Variants in DAB1 observed in about 807,000 individuals in gnomAD.
The protein encoded by DAB1 is disabled homolog 1.
A neutral mutation model predicts 64.6 loss-of-function variants in DAB1; 15 were observed. The observed-to-expected ratio is 0.23, with a 90% CI of 0.16 to 0.36. The LOEUF is 0.36. Among genes scored for constraint, DAB1 ranks in the 10% least tolerant of loss-of-function variants. DAB1 has a pLI of 1.00. For synonymous variants in DAB1, 235 were observed against 251.9 expected, an observed-to-expected ratio of 0.93 and a Z score of 0.64; for missense variants, 596 against 706.7, an observed-to-expected ratio of 0.84 and a Z score of 1.78.
chr1:57,286,451 G>A (rs548436018), intron 2 of DAB1, among the ~76,000 whole-genome samples: 1 of 152,308 alleles, frequency 6.6e-6, no homozygotes, highest in African/African-American at 2.4e-5. Flanking sequence ...GAAACTGTAT[G>A]AAGAGTATGA....
chr1:58,359,628 ATCAACACATGTTGAC>A (rs1292791481), intron 3 of DAB1, among the ~76,000 whole-genome samples: 1 of 152,224 alleles, frequency 6.6e-6, no homozygotes, highest in African/African-American at 2.4e-5. Context: ...TGCTTCAGTA[ATCAACACATGTTGAC>A]TCATGAAGAA....
Position 57,843,505 on chromosome 1 carries a change from T to C in DAB1, n.88-17050A>G, listed in dbSNP as rs138720034. 6.7e-3 allele frequency among the ~76,000 whole-genome samples: 1,022 copies of C among 152,310 alleles called. 20 individuals are homozygous for C. The highest frequency in any genetic ancestry group is 0.025 in the Admixed American group (390 of 15,300). ...AATAACATATCAAAAGCACCTGCTA[T>C]ATTATCTGGTCACAGAGTAGGGATT... On this transcript the variant is annotated intron_variant and non_coding_transcript_variant, in intron 1 of 1. Coordinates refer to the DAB1 transcript ENST00000477280.
At chr1:57,501,922 G>C (rs186242084) in intron 7 of DAB1, among the ~76,000 whole-genome samples, 1 of 152,230 alleles carries the variant, frequency 6.6e-6, no homozygotes, top group East Asian at 1.9e-4. Flanking sequence ...ACTTTTGTTA[G>C]TGTTTTTAGA....
At chr1:57,835,116 G>T (rs549363672) in intron 1 of DAB1, among the ~76,000 whole-genome samples, 4 of 152,292 alleles carry the variant, frequency 2.6e-5, no homozygotes, top group African/African-American at 9.6e-5. Flanking sequence ...TGTAGGGTGG[G>T]AATAATGGGC....
chr1:58,356,841 A>G (rs1217861690), intron 3 of DAB1, among the ~76,000 whole-genome samples: 1 of 152,028 alleles, frequency 6.6e-6, no homozygotes, highest in Non-Finnish European at 1.5e-5. Flanking sequence ...GGTGGGCAGC[A>G]TAGGAGAACT....
At chr1:58,219,025 C>CTCTCTCTCTG (rs376130413) in intron 4 of DAB1, among the ~76,000 whole-genome samples, 1,640 of 129,470 alleles carry the variant, frequency 0.013, 30 homozygotes, top group African/African-American at 0.035. Flanking sequence ...CTCTCTCTCT[C>CTCTCTCTCTG]TGTGTGTGTG....
chr1:57,372,299 A>G (rs1466571345), intron 1 of DAB1, among the ~76,000 whole-genome samples: 1 of 152,092 alleles, frequency 6.6e-6, no homozygotes, highest in Non-Finnish European at 1.5e-5. Context: ...CTGCCTTTGG[A>G]TTTCCACCTT....
chr1:57,291,642 T>C (rs1187602400), intron 1 of DAB1, among the ~76,000 whole-genome samples: 3 of 152,076 alleles, frequency 2.0e-5, no homozygotes, highest in African/African-American at 7.2e-5. Flanking sequence ...GGAGTTGACA[T>C]ACAAATGGGC....
At chr1:58,028,680 T>C (rs1035580885) in intron 5 of DAB1, among the ~76,000 whole-genome samples, 1 of 152,248 alleles carries the variant, frequency 6.6e-6, no homozygotes, top group South Asian at 2.1e-4. Context: ...ATTTTGTGTA[T>C]GTCTGTCGAT....
chr1:57,895,277 T>C (rs776271594), intron 5 of DAB1, among the ~76,000 whole-genome samples: 1 of 152,114 alleles, frequency 6.6e-6, no homozygotes, highest in African/African-American at 2.4e-5. Context: ...GTCAGACCTA[T>C]GGGGGTAAAC....
chr1:58,370,539 G>A lies in DAB1; in HGVS notation n.258-27136C>T, dbSNP rs111263268. ...TGGAAAAGTTGAAGGAGTTATTCAC[G>A]TTATCTGTTGTGGTTTTGCTTTTAT... On this transcript the variant is annotated intron_variant and non_coding_transcript_variant, in intron 3 of 20. Coordinates refer to the DAB1 transcript ENST00000485760. Among the ~76,000 whole-genome samples, 595 of 152,104 alleles carry A rather than the reference G, an allele frequency of 3.9e-3. 4 individuals are homozygous for A. Among genetic ancestry groups the A allele is most frequent in the African/African-American group, 0.014 (570 of 41,476 alleles).
chr1:57,381,055 G>T (rs1295228731), intron 1 of DAB1, among the ~76,000 whole-genome samples: 1 of 152,094 alleles, frequency 6.6e-6, no homozygotes, highest in Non-Finnish European at 1.5e-5. Flanking sequence ...CCTGCTTATT[G>T]TAAAGAAATA....
At chr1:57,505,861 G>A (rs1014637423) in intron 7 of DAB1, among the ~76,000 whole-genome samples, 4 of 151,954 alleles carry the variant, frequency 2.6e-5, no homozygotes, top group African/African-American at 9.7e-5. Flanking sequence ...TGTAGTGAGG[G>A]GCTTTCTCAT....
At chr1:57,207,094 G>A (rs1292658247) in intron 2 of DAB1, among the ~76,000 whole-genome samples, 2 of 144,386 alleles carry the variant, frequency 1.4e-5, no homozygotes, top group Non-Finnish European at 3.0e-5. Flanking sequence ...TCAGCCTCCC[G>A]AGTAGCTGGG....
At chr1:58,079,964 G>A (rs1557641364) in intron 5 of DAB1, 2 of 152,200 alleles carry the variant, frequency 1.3e-5, no homozygotes, top group East Asian at 1.9e-4. Context: ...GAATAAGGTA[G>A]ATCAAAGTAT....
intron 1 of DAB1, among the ~76,000 whole-genome samples, chr1:57,399,642 C>T (rs779187518): frequency 7.9e-5 from 12 of 152,196 alleles, no homozygotes; most frequent in South Asian, 6.2e-4. Flanking sequence ...TATCTTAGAA[C>T]GTCAATGGTA....
intron 4 of DAB1, among the ~76,000 whole-genome samples, chr1:57,115,731 G>A (rs1443567540): frequency 6.6e-6 from 1 of 152,150 alleles, no homozygotes; most frequent in Non-Finnish European, 1.5e-5. Flanking sequence ...ACATGAGCTG[G>A]GGTCTTCTCT....
intron 5 of DAB1, among the ~76,000 whole-genome samples, chr1:57,949,511 ATCTG>A (rs754240342): frequency 0.019 from 2,627 of 137,016 alleles, 37 homozygotes; most frequent in African/African-American, 0.036. Flanking sequence ...ATCTATCTAT[ATCTG>A]TCTGTCTGTC....
intron 7 of DAB1, among the ~76,000 whole-genome samples, chr1:57,547,808 A>G (rs888835150): frequency 2.6e-5 from 4 of 152,212 alleles, no homozygotes; most frequent in Non-Finnish European, 5.9e-5. Flanking sequence ...CAATATTAGG[A>G]GAAACTGAGT....
Sources: allele counts gnomAD v4.1 joint callset (sites outside exome capture counted in the v4.1 genomes callset), GRCh38; gene constraint gnomAD v4.1.1; transcripts MANE v1.5; gene names NCBI Gene and HGNC (gene_info 2026-07-23, HGNC 2026-07-21).